Variants in POC5 observed in about 807,000 individuals in gnomAD.
POC5 encodes the protein centrosomal protein POC5.
Under a neutral mutation model 62.9 loss-of-function variants are expected in POC5, and 48 were observed. That is an observed-to-expected ratio of 0.76 (90% CI 0.61 to 0.97). POC5 has a LOEUF of 0.97. Among genes scored for constraint, POC5 ranks in the 50% least tolerant of loss-of-function variants. POC5 has a pLI of 0.00. For synonymous variants in POC5, 236 were observed against 228.2 expected (o/e 1.03, Z -0.31); for missense variants, 696 against 679.5 (o/e 1.02, Z -0.27).
chr5:75,675,280 A>T (rs1775609118), intron 11 of POC5, among the ~76,000 whole-genome samples: 1 of 152,214 alleles, frequency 6.6e-6, no homozygotes, highest in Admixed American at 6.5e-5. Context: ...AATATGTATC[A>T]GTACAAGGCT....
chr5:75,700,388 A>G (rs1341488556), intron 5 of POC5, among the ~76,000 whole-genome samples: 1 of 151,922 alleles, frequency 6.6e-6, no homozygotes, highest in Admixed American at 6.6e-5. Flanking sequence ...TCAATGGAAC[A>G]GAACAGAGCC....
chr5:75,674,379 T>C lies in POC5; in HGVS notation c.*56A>G, dbSNP rs1775572450. On this transcript the variant is annotated 3_prime_UTR_variant, in exon 12 of 12. Transcript: ENST00000428202. ...ATGGAAAAGTTAAAACCAAAAGACT[T>C]CTAACCCTTGGTAAGACCAGAGGGA... is the stretch of plus-strand genomic sequence containing the variant. The C allele has an allele frequency of 1.0e-5, 16 of 1,558,034 alleles. No individual in the cohort carries two copies. The South Asian group carries it at 1.7e-4, about 16-fold the overall frequency.
intron 1 of POC5, among the ~76,000 whole-genome samples, chr5:75,713,340 T>C (rs978546884): frequency 2.0e-5 from 3 of 152,252 alleles, no homozygotes; most frequent in Non-Finnish European, 4.4e-5. Context: ...TTTGGAAATA[T>C]TATTTTAAGA....
chr5:75,700,618 AG>A (rs1303765789), intron 5 of POC5, among the ~76,000 whole-genome samples: 2 of 150,238 alleles, frequency 1.3e-5, no homozygotes, highest in Non-Finnish European at 3.0e-5. Flanking sequence ...TAAAAACCCT[AG>A]AAGAAAACCT....
At chr5:75,692,544 A>G (rs888789) in intron 6 of POC5, 44 bp from the exon 7 acceptor site, 658,062 of 1,379,390 alleles carry the variant, frequency 0.48, 158,530 homozygotes, top group South Asian at 0.55. Context: ...TTAAAATAAC[A>G]GCAATTGGTA....
At chr5:75,674,800 A>C (rs184488833) in intron 11 of POC5, among the ~76,000 whole-genome samples, 2 of 152,330 alleles carry the variant, frequency 1.3e-5, no homozygotes, top group East Asian at 3.9e-4. Flanking sequence ...GTGTAATATC[A>C]GAGCTATATC....
At chr5:75,689,425 G>A in intron 8 of POC5, 1 of 985,130 alleles carries the variant, frequency 1.0e-6, no homozygotes, top group South Asian at 4.7e-5. Context: ...TATTGCTGAT[G>A]TATTTTCATT....
rs1470195706 is a variant in POC5, at chr5:75,713,061, T to C, written c.-14-110A>G. The C allele has an allele frequency of 1.3e-5, 10 of 761,910 alleles. No individual in the cohort carries two copies. In the East Asian group the frequency reaches 1.7e-4, roughly 13 times the overall value. 47.2% of individuals were successfully genotyped at this position (761,910 alleles called of 1,614,324 possible). On this transcript the variant is annotated intron_variant, in intron 1 of 11. Coordinates refer to ENST00000428202, the MANE Select transcript of POC5 (RefSeq NM_001099271.2). ...CCAAATCTGCAATCTTCCTGTGATA[T>C]GCTAAAATCATTCATTCAACATATT...
At chr5:75,676,623 G>A (rs1042587376) in intron 11 of POC5, among the ~76,000 whole-genome samples, 11 of 151,934 alleles carry the variant, frequency 7.2e-5, no homozygotes, top group African/African-American at 2.2e-4. Flanking sequence ...AACGTTGTCC[G>A]ATGCTGAGAA....
chr5:75,700,653 G>A (rs1012844406), intron 5 of POC5, among the ~76,000 whole-genome samples: 8 of 149,628 alleles, frequency 5.3e-5, no homozygotes, highest in African/African-American at 2.0e-4. Flanking sequence ...CAGGACACAG[G>A]CATGGGCAAG....
intron 2 of POC5, among the ~76,000 whole-genome samples, chr5:75,710,596 A>G (rs1206554519): frequency 6.6e-6 from 1 of 152,210 alleles, no homozygotes; most frequent in African/African-American, 2.4e-5. Context: ...GCAATCCACA[A>G]AGAGAGCCCT....
intron 9 of POC5, among the ~76,000 whole-genome samples, chr5:75,686,639 G>A (rs1362848486): frequency 6.6e-6 from 1 of 152,168 alleles, no homozygotes; most frequent in Non-Finnish European, 1.5e-5. Context: ...TTTAGATGGT[G>A]GCAGACATTA....
chr5:75,703,083 T>G (rs1776958278), intron 4 of POC5, among the ~76,000 whole-genome samples: 1 of 152,164 alleles, frequency 6.6e-6, no homozygotes, highest in Non-Finnish European at 1.5e-5. Flanking sequence ...TATATCCAGG[T>G]CCAGCCTGAG....
At chr5:75,703,767 G>C (rs754297765) in intron 4 of POC5, among the ~76,000 whole-genome samples, 1 of 152,150 alleles carries the variant, frequency 6.6e-6, no homozygotes, top group Non-Finnish European at 1.5e-5. Flanking sequence ...ATCTCTATAT[G>C]TATGTGCATA....
intron 5 of POC5, among the ~76,000 whole-genome samples, chr5:75,699,724 C>T (rs1332944811): frequency 2.7e-5 from 4 of 146,550 alleles, no homozygotes; most frequent in Non-Finnish European, 4.5e-5. Flanking sequence ...CCAGGGCAAT[C>T]AGGCAGGAGA....
intron 10 of POC5, among the ~76,000 whole-genome samples, chr5:75,681,478 C>T (rs1561461544): frequency 2.6e-5 from 4 of 152,014 alleles, no homozygotes. Context: ...CTGCAATATG[C>T]TTGCTTGTAT....
intron 3 of POC5, among the ~76,000 whole-genome samples, chr5:75,707,050 C>T (rs368393368): frequency 4.6e-5 from 7 of 152,174 alleles, no homozygotes; most frequent in African/African-American, 1.7e-4. Flanking sequence ...CTTGGAGTTA[C>T]GCCTATAGTG....
At chr5:75,692,326 T>G in intron 7 of POC5, 70 bp downstream of exon 7, 1 of 1,024,974 alleles carries the variant, frequency 9.8e-7, no homozygotes, top group South Asian at 2.0e-5. Context: ...ACAACTATAA[T>G]AAGTGATCCT....
Position 75,705,705 on chromosome 5 carries a change from A to G in POC5, c.306T>C (p.Asp102=). Residue 102 remains aspartate (D), a splice_region_variant and synonymous_variant, in exon 4 of 12, where the codon GAT becomes GAC. Coordinates refer to ENST00000428202, the MANE Select transcript of POC5 (RefSeq NM_001099271.2). The stretch of plus-strand genomic sequence containing the variant: ...AAATAAGCTAAAGAAAAATCATACC[A>G]TCTGTCTTTGAATGACTTGAAATAT... ...DFHISSHSKT[D]ESSPVLSPRK... is the part of the protein sequence containing the mutation. 6.6e-7 allele frequency: 1 copy of G among 1,515,864 alleles called. No homozygotes were observed. The highest frequency in any genetic ancestry group is 1.3e-5 in the South Asian group (1 of 76,672). The allele number at this position is 1,515,864 out of a possible 1,614,324, so 93.9% of individuals were successfully genotyped here.
Sources: gnomAD v4.1 joint callset for allele counts (sites outside exome capture counted in the v4.1 genomes callset) on GRCh38, gnomAD v4.1.1 for gene constraint, MANE v1.5 for transcripts, NCBI Gene and HGNC (gene_info 2026-07-23, HGNC 2026-07-21) for gene names.